The following IRS2 variants were observed in gnomAD, a reference collection of about 807,000 sequenced individuals.
The protein encoded by IRS2 is insulin receptor substrate 2.
IRS2 carries 28 observed loss-of-function variants against 70.9 expected under a neutral mutation model. The observed-to-expected ratio is 0.39, with a 90% confidence interval of 0.29 to 0.54. The LOEUF (loss-of-function observed/expected upper bound fraction) is 0.54, where lower values mean the gene tolerates loss of function less well. Ranked by LOEUF, IRS2 falls within the 20% of genes least tolerant of loss-of-function variation. IRS2 has a pLI of 0.59. For synonymous variants in IRS2, 1,217 were observed against 981.9 expected (o/e 1.24, Z -4.48); for missense variants, 2,081 against 2,024.1 (o/e 1.03, Z -0.54).
rs1877055886 is a variant in IRS2, at chr13:109,754,263, G to A, written c.*2041C>T. 4.4e-6 allele frequency: 1 copy of A among 229,404 alleles called. No homozygotes were observed. The highest frequency in any genetic ancestry group is 8.7e-6 in the Non-Finnish European group (1 of 115,508). The allele number at this position is 229,404 out of a possible 1,614,324, so 14.2% of individuals were successfully genotyped here. A position where few individuals can be genotyped will look rare whatever the true frequency, so the allele number is the denominator to read the frequency against. ...AATTAAAAATGTAAATATTGCATAT[G>A]CCTTTTTGTGAAATGTACAGGATAG... On this transcript the variant is annotated 3_prime_UTR_variant, in exon 2 of 2. Transcript: ENST00000375856.
chr13:109,763,974 A>C (rs1341819116), intron 1 of IRS2, among the ~76,000 whole-genome samples: 1 of 152,210 alleles, frequency 6.6e-6, no homozygotes, highest in Non-Finnish European at 1.5e-5. Flanking sequence ...TCTATGTGAT[A>C]TAGGATTTCA....
chr13:109,772,788 C>CG, intron 1 of IRS2, among the ~76,000 whole-genome samples: 1 of 151,704 alleles, frequency 6.6e-6, no homozygotes, highest in South Asian at 2.1e-4. Context: ...CTCCGCTTCC[C>CG]GGGTTCACGC....
chr13:109,777,100 G>C (rs1168579838), intron 1 of IRS2, among the ~76,000 whole-genome samples: 2 of 152,072 alleles, frequency 1.3e-5, no homozygotes, highest in African/African-American at 4.8e-5. Flanking sequence ...CATTACAGCT[G>C]TCCAAATGCA....
At chr13:109,761,629 C>A (rs1028635163) in intron 1 of IRS2, among the ~76,000 whole-genome samples, 3 of 149,312 alleles carry the variant, frequency 2.0e-5, no homozygotes, top group Non-Finnish European at 4.4e-5. Flanking sequence ...ATAACAAAAG[C>A]CAGAGATTCT....
At chr13:109,768,036 T>G (rs529084527) in intron 1 of IRS2, among the ~76,000 whole-genome samples, 66 of 152,324 alleles carry the variant, frequency 4.3e-4, no homozygotes, top group African/African-American at 1.5e-3. Context: ...TGGCCCAGTG[T>G]GACCATTTAA....
At position 109,754,872 on chromosome 13, in the gene IRS2, C is replaced by A; in HGVS notation, c.*1432G>T. ...AAACAAAACAAAACAAAACCAACAA[C>A]TTACATCTCCAATGAATTAGTGTAA... On this transcript the variant is annotated 3_prime_UTR_variant, in exon 2 of 2. Transcript: ENST00000375856. 4.8e-6 allele frequency: 1 copy of A among 207,172 alleles called. No individual in the cohort carries two copies. 12.8% of individuals were successfully genotyped at this position (207,172 alleles called of 1,614,324 possible). A position where few individuals can be genotyped will look rare whatever the true frequency, so the allele number is the denominator to read the frequency against.
chr13:109,782,266 C>A lies in IRS2; in HGVS notation c.3788G>T (p.Gly1263Val), dbSNP rs200545532. 6.2e-4 allele frequency: 991 copies of A among 1,608,982 alleles called. 5 individuals are homozygous for A. The African/African-American group carries it at 0.012, about 20-fold the overall frequency. ...YIAIDVREEP[G>V]LPPQPQPPPP... ...CGGCGGCTGCGGCTGGGGTGGCAGCCCGGGCTCCTCCCTCACGTCGATGGC... is the reference window on the plus strand; with the variant it reads ...CGGCGGCTGCGGCTGGGGTGGCAGCACGGGCTCCTCCCTCACGTCGATGGC... The change falls in exon 1 of 2, where the codon GGG becomes GTG. Residue 1263 changes from glycine to valine, a missense_variant. Physicochemically the swap from Gly to Val is moderately radical, Grantham distance 109 (BLOSUM62 -3). Coordinates refer to ENST00000375856, the MANE Select transcript of IRS2 (RefSeq NM_003749.3).
At chr13:109,775,806 C>G (rs1877561245) in intron 1 of IRS2, among the ~76,000 whole-genome samples, 1 of 144,942 alleles carries the variant, frequency 6.9e-6, no homozygotes, top group Admixed American at 6.9e-5. Flanking sequence ...ACACCAGCCC[C>G]AAATATTTGT....
chr13:109,768,343 A>C (rs1877380465), intron 1 of IRS2, among the ~76,000 whole-genome samples: 1 of 152,206 alleles, frequency 6.6e-6, no homozygotes, highest in Admixed American at 6.5e-5. Context: ...AGTTGGCTGG[A>C]GCCCATTTAT....
rs1877858569 is a variant in IRS2, at chr13:109,784,713, G to A, written c.1341C>T (p.Ser447=). ...HSPPAATSPG[S]LSSSSGHGSG... is the part of the protein sequence containing the mutation. ...AGCCGTGGCCGCTGCTGGACGACAG[G>A]GAGCCGGGGCTGGTGGCGGCGGGCG... The change falls in exon 1 of 2, where the codon TCC becomes TCT. Residue 447 remains serine, a synonymous_variant. Transcript: ENST00000375856. This position sits in a 1 kb window ranked among gnomAD's most constrained non-coding sequence, Gnocchi z 5.2. The A allele has an allele frequency of 1.6e-6, 2 of 1,237,254 alleles. No individual in the cohort carries two copies. The highest frequency in any genetic ancestry group is 3.1e-5 in the African/African-American group (2 of 63,830). 76.6% of individuals were successfully genotyped at this position (1,237,254 alleles called of 1,614,324 possible). A position where few individuals can be genotyped will look rare whatever the true frequency, so the allele number is the denominator to read the frequency against.
At position 109,782,701 on chromosome 13, in the gene IRS2, T is replaced by C. The variant is rs1202652414; in HGVS notation, c.3353A>G (p.Glu1118Gly). 1.3e-6 allele frequency: 2 copies of C among 1,587,530 alleles called. No homozygotes were observed. Among genetic ancestry groups the C allele is most frequent in the South Asian group, 1.1e-5 (1 of 87,736 alleles). Residue 1118 changes from glutamate (E) to glycine (G), a missense_variant, in exon 1 of 2, where the codon GAG becomes GGG. This residue lies in a region of IRS2 where 1,615 missense variants were observed against 1,459.5 expected (regional missense o/e 1.11). Coordinates refer to ENST00000375856, the MANE Select transcript of IRS2 (RefSeq NM_003749.3). Reference protein sequence around the residue: ...LSLMEQVSGVEAFLQASQPPD... With the variant: ...LSLMEQVSGVGAFLQASQPPD... ...GGGCTGGCTGGCCTGCAGGAAGGCC[T>C]CGACTCCCGACACCTGCTCCATGAG...
chr13:109,781,852 G>A (rs897091918), intron 1 of IRS2, among the ~76,000 whole-genome samples, 190 bp downstream of exon 1: 9 of 152,170 alleles, frequency 5.9e-5, no homozygotes, highest in Non-Finnish European at 1.3e-4. Context: ...ACTCCAAGAC[G>A]AATGTTCCTG....
chr13:109,766,127 G>A (rs71439380), intron 1 of IRS2, among the ~76,000 whole-genome samples: 9 of 15,300 alleles, frequency 5.9e-4, no homozygotes, highest in African/African-American at 2.0e-3. Flanking sequence ...ATCCACCTTG[G>A]CTCCGACTCC....
At chr13:109,775,983 A>G (rs573995889) in intron 1 of IRS2, among the ~76,000 whole-genome samples, 138 of 152,166 alleles carry the variant, frequency 9.1e-4, no homozygotes, top group African/African-American at 3.2e-3. Context: ...TCCCATCTCT[A>G]CTAAAAATAC....
chr13:109,767,728 CTTTT>C (rs748211544), intron 1 of IRS2, among the ~76,000 whole-genome samples: 1 of 119,796 alleles, frequency 8.3e-6, no homozygotes, highest in African/African-American at 3.2e-5. Flanking sequence ...ACCATTTTTC[CTTTT>C]TTTTTTTTTT....
chr13:109,754,341 T>G lies in IRS2; in HGVS notation c.*1963A>C. ...GTATTTTGCTTGTTTTAAGCTGCAGTATGAACACGAACCATCTGTATAGTG... is the reference window on the plus strand; with the variant it reads ...GTATTTTGCTTGTTTTAAGCTGCAGGATGAACACGAACCATCTGTATAGTG... On this transcript the variant is annotated 3_prime_UTR_variant, in exon 2 of 2. Coordinates refer to ENST00000375856, the MANE Select transcript of IRS2 (RefSeq NM_003749.3). The G allele has an allele frequency of 4.6e-6, 1 of 216,326 alleles. No individual in the cohort carries two copies. The highest frequency in any genetic ancestry group is 9.3e-6 in the Non-Finnish European group (1 of 107,436). 13.4% of individuals were successfully genotyped at this position (216,326 alleles called of 1,614,324 possible).
In IRS2 at chr13:109,783,766, T is replaced by C. The variant is rs1481710018; in HGVS notation, c.2288A>G (p.Asn763Ser). The C allele has an allele frequency of 3.8e-6, 6 of 1,596,076 alleles. No homozygotes were observed. Among genetic ancestry groups the C allele is most frequent in the Non-Finnish European group, 2.6e-6 (3 of 1,171,810 alleles). ...MEHADGKLLP[N>S]GDYLNVSPSD... The stretch of plus-strand genomic sequence containing the variant: ...GGGGGACACGTTGAGGTAGTCCCCG[T>C]TGGGCAGCAGCTTGCCATCTGCATG... Residue 763 changes from asparagine to serine, a missense_variant, in exon 1 of 2, where the codon AAC (asparagine) becomes AGC (serine). Physicochemically the swap from Asn to Ser is conservative, Grantham distance 46. This residue lies in a region of IRS2 where 1,615 missense variants were observed against 1,459.5 expected (regional missense o/e 1.11). Transcript: ENST00000375856.
At chr13:109,764,003 C>T (rs193252586) in intron 1 of IRS2, among the ~76,000 whole-genome samples, 1 of 152,286 alleles carries the variant, frequency 6.6e-6, no homozygotes, top group East Asian at 1.9e-4. Context: ...TCTCCAGGGA[C>T]AAATCCATCT....
In IRS2 at chr13:109,755,914, G is replaced by A; in HGVS notation, c.*390C>T. ...GATTTTACCACTTCCATAGGTACGG[G>A]TGCACTCTCCTAGCATGCTGAGGGT... On this transcript the variant is annotated 3_prime_UTR_variant, in exon 2 of 2. Transcript: ENST00000375856. 3.3e-6 allele frequency: 1 copy of A among 305,380 alleles called. No homozygotes were observed. Among genetic ancestry groups the A allele is most frequent in the South Asian group, 5.9e-5 (1 of 16,828 alleles). The allele number at this position is 305,380 out of a possible 1,614,324, so 18.9% of individuals were successfully genotyped here.
Sources: gnomAD v4.1 joint callset for allele counts (sites outside exome capture counted in the v4.1 genomes callset) on GRCh38, gnomAD v4.1.1 for gene constraint, gnomAD v4.1.1 regional missense constraint, Gnocchi (gnomAD v3.1) non-coding constraint, MANE v1.5 for transcripts, NCBI Gene and HGNC (gene_info 2026-07-23, HGNC 2026-07-21) for gene names.